The following DMD variants were observed in gnomAD, a reference collection of about 807,000 sequenced individuals.
DMD encodes the protein mutant dystrophin.
In DMD, 63 loss-of-function variants were observed where a neutral mutation model predicts 330.1. The ratio of observed to expected loss-of-function variants is 0.19; its 90% CI spans 0.16 to 0.24. The LOEUF (loss-of-function observed/expected upper bound fraction) is 0.24. Among genes scored for constraint, DMD ranks in the 10% least tolerant of loss-of-function variants. DMD has a pLI of 1.00. For missense variants in DMD, 3,344 were observed against 2,684.1 expected (o/e 1.25, Z -5.43); for synonymous variants, 1,223 against 959.8 (o/e 1.27, Z -5.07).
At chrX:33,122,073 A>G (rs1235098776) in intron 1 of DMD, among the ~76,000 whole-genome samples, 2 of 111,393 alleles carry the variant, frequency 1.8e-5, no homozygotes, top group East Asian at 5.7e-4. Context: ...TAAAAATATA[A>G]AAATTAGTCA....
At chrX:31,774,360 A>G (rs1220801037) in intron 50 of DMD, among the ~76,000 whole-genome samples, 168 bp from the exon 51 acceptor site, 1 of 111,968 alleles carries the variant, frequency 8.9e-6, no homozygotes, top group African/African-American at 3.2e-5. Context: ...AACAATGTGG[A>G]TACTTTGTTT....
At chrX:32,305,024 C>T (rs1315377793) in intron 42 of DMD, among the ~76,000 whole-genome samples, 1 of 110,967 alleles carries the variant, frequency 9.0e-6, no homozygotes, top group Non-Finnish European at 1.9e-5. Flanking sequence ...TATTAAATAC[C>T]CCTGTATTAC....
chrX:32,537,385 A>G (rs1181060085), intron 17 of DMD, among the ~76,000 whole-genome samples: 1 of 111,668 alleles, frequency 9.0e-6, no homozygotes, highest in Non-Finnish European at 1.9e-5. Context: ...AAGAAAATAA[A>G]ATCACAATTT....
At chrX:32,737,415 T>C (rs1232670663) in intron 7 of DMD, among the ~76,000 whole-genome samples, 1 of 111,118 alleles carries the variant, frequency 9.0e-6, no homozygotes, top group Non-Finnish European at 1.9e-5. Context: ...CCAATGTTTT[T>C]ACTACAATGC....
intron 16 of DMD, among the ~76,000 whole-genome samples, chrX:32,552,767 C>A: frequency 8.9e-6 from 1 of 111,802 alleles, no homozygotes; most frequent in Non-Finnish European, 1.9e-5. Flanking sequence ...AGGACATGAA[C>A]CCTTTCCAGA....
chrX:32,437,366 C>A (rs886650087), intron 29 of DMD, among the ~76,000 whole-genome samples: 2 of 111,970 alleles, frequency 1.8e-5, no homozygotes, highest in Non-Finnish European at 3.8e-5. Flanking sequence ...CTACTCAAGG[C>A]GTTCCTTTTC....
Position 32,565,749 on chromosome X carries a change from G to A in DMD, c.1945C>T (p.Arg649Trp), listed in dbSNP as rs770572107. 2.3e-5 allele frequency: 28 copies of A among 1,209,612 alleles called. No homozygotes were observed. The highest frequency in any genetic ancestry group is 1.2e-4 in the East Asian group (4 of 33,760). Residue 649 changes from arginine to tryptophan, a missense_variant, in exon 16 of 79, where the codon CGG (arginine) becomes TGG (tryptophan). Transcript: ENST00000357033. ...KTEAWLDNFARCWDNLVQKLE... is the reference protein window; with the variant it reads ...KTEAWLDNFAWCWDNLVQKLE... ...TTTTGGACTAAATTATCCCAACACC[G>A]GGCAAAGTTATCCAGCCATGCTTCC...
At chrX:31,415,225 T>C (rs1853240901) in intron 60 of DMD, among the ~76,000 whole-genome samples, 1 of 112,468 alleles carries the variant, frequency 8.9e-6, no homozygotes, top group Non-Finnish European at 1.9e-5. Flanking sequence ...TTATTAATCA[T>C]ATACAAGATG....
At chrX:33,197,289 C>T (rs2053103242) in intron 1 of DMD, among the ~76,000 whole-genome samples, 1 of 112,050 alleles carries the variant, frequency 8.9e-6, no homozygotes, top group Admixed American at 9.5e-5. Flanking sequence ...AAGAAATATG[C>T]AACAATGTCT....
At chrX:32,569,076 A>T (rs16990462) in intron 15 of DMD, among the ~76,000 whole-genome samples, 1 of 111,972 alleles carries the variant, frequency 8.9e-6, no homozygotes, top group African/African-American at 3.3e-5. Context: ...ATAGTAAAAG[A>T]ATAAACAGAC....
chrX:31,664,787 T>C (rs1269240413), intron 53 of DMD, among the ~76,000 whole-genome samples: 1 of 107,501 alleles, frequency 9.3e-6, no homozygotes, highest in African/African-American at 3.4e-5. Flanking sequence ...GCTCCCTCCC[T>C]CCACTCTCAA....
At chrX:33,079,853 G>A in intron 1 of DMD, among the ~76,000 whole-genome samples, 1 of 111,327 alleles carries the variant, frequency 9.0e-6, no homozygotes, top group Non-Finnish European at 1.9e-5. Flanking sequence ...TTCCAAACAA[G>A]ACCCAATAAA....
chrX:31,725,950 C>A (rs768423792), intron 52 of DMD, among the ~76,000 whole-genome samples: 1 of 112,296 alleles, frequency 8.9e-6, no homozygotes, highest in African/African-American at 3.2e-5. Flanking sequence ...GTAATTCAGA[C>A]GCCTCCAAGG....
intron 44 of DMD, among the ~76,000 whole-genome samples, chrX:31,982,289 C>A (rs1036066565): frequency 9.0e-6 from 1 of 111,598 alleles, no homozygotes; most frequent in African/African-American, 3.3e-5. Flanking sequence ...AGTTGCCCAC[C>A]ACCTGAAAAA....
chrX:32,357,583 C>T (rs999488122), intron 37 of DMD, among the ~76,000 whole-genome samples: 12 of 109,210 alleles, frequency 1.1e-4, no homozygotes, highest in Admixed American at 7.9e-4. Context: ...CAATAGCTCC[C>T]GAACTTCATG....
intron 47 of DMD, among the ~76,000 whole-genome samples, chrX:31,875,985 T>C (rs1375286568): frequency 3.6e-5 from 4 of 112,503 alleles, no homozygotes; most frequent in Admixed American, 2.8e-4. Flanking sequence ...ACAAGGAAAA[T>C]TGGTAAGTTA....
chrX:32,256,711 G>T (rs2097300778), intron 43 of DMD, among the ~76,000 whole-genome samples: 1 of 111,216 alleles, frequency 9.0e-6, no homozygotes, highest in South Asian at 3.8e-4. Context: ...AGGCCTGGTG[G>T]TGACAAAATC....
intron 2 of DMD, among the ~76,000 whole-genome samples, chrX:32,983,736 T>C (rs770838586): frequency 8.9e-6 from 1 of 111,909 alleles, no homozygotes; most frequent in South Asian, 3.7e-4. Context: ...ACTGTATATG[T>C]ATCTACAATT....
intron 17 of DMD, among the ~76,000 whole-genome samples, chrX:32,534,131 G>A (rs1334686340): frequency 1.8e-5 from 2 of 112,071 alleles, no homozygotes; most frequent in African/African-American, 6.5e-5. Flanking sequence ...AGACTGGGTG[G>A]CTTAACCAAC....
Sources: allele counts gnomAD v4.1 joint callset (sites outside exome capture counted in the v4.1 genomes callset), GRCh38; gene constraint gnomAD v4.1.1; transcripts MANE v1.5; gene names NCBI Gene and HGNC (gene_info 2026-07-23, HGNC 2026-07-21).